HECTD4: variants seen among roughly 807,000 people sequenced by gnomAD.
The protein encoded by HECTD4 is probable E3 ubiquitin-protein ligase HECTD4.
In HECTD4, 114 loss-of-function variants were observed where a neutral mutation model predicts 471.5. The ratio of observed to expected loss-of-function variants is 0.24; its 90% CI spans 0.21 to 0.28. The LOEUF (loss-of-function observed/expected upper bound fraction) is 0.28. Among genes scored for constraint, HECTD4 ranks in the 10% least tolerant of loss-of-function variants. HECTD4 has a pLI of 1.00. For missense variants in HECTD4, 3,866 were observed against 5,651.5 expected, an observed-to-expected ratio of 0.68 and a Z score of 10.13; for synonymous variants, 2,012 against 2,256.0, an observed-to-expected ratio of 0.89 and a Z score of 3.07.
At chr12:112,259,745 T>C (rs2034102933) in intron 18 of HECTD4, among the ~76,000 whole-genome samples, 1 of 152,110 alleles carries the variant, frequency 6.6e-6, no homozygotes, top group Admixed American at 6.6e-5. Context: ...AAATGGATTC[T>C]AAAATGCCAA....
In HECTD4 at chr12:112,219,478, C is replaced by T. The variant is rs778158898; in HGVS notation, c.6982G>A (p.Ala2328Thr). The change falls in exon 45 of 76, where the codon GCA (alanine) becomes ACA (threonine). Residue 2328 changes from alanine (A) to threonine (T), a missense_variant. By Grantham distance (58) the Ala-to-Thr change is moderately conservative. Around this residue, in one of 16 missense-constraint regions of HECTD4, gnomAD observed 617 missense variants for 915.1 expected, o/e 0.67. Transcript: ENST00000682272. ...AQECSAGERL[A>T]VVEVQCERLR... ...CGTTCACACTGTACCTCCACAACTG[C>T]AAGTCGCTCTCCTGTAGAGGGCACA... The T allele has an allele frequency of 1.5e-5, 25 of 1,613,216 alleles. No individual in the cohort carries two copies. Among genetic ancestry groups the T allele is most frequent in the Non-Finnish European group, 2.0e-5 (24 of 1,179,432 alleles).
Position 112,184,530 on chromosome 12 carries a change from G to C in HECTD4, c.10436C>G (p.Pro3479Arg). The change falls in exon 61 of 76, where the codon CCC becomes CGC. Residue 3479 changes from proline (P) to arginine (R), a missense_variant. Physicochemically the swap from Pro to Arg is moderately radical, Grantham distance 103 (BLOSUM62 -2). Transcript: ENST00000682272. This position sits in a 1 kb window ranked among gnomAD's most constrained non-coding sequence, Gnocchi z 9.1. ...MEVSTSSSLT[P>R]AMSISASAST... ...GGCGGAGGCGCTGATGCTCATGGCG[G>C]GGGTCAGGCTGCTGGACGTGCTGAC... 2 of 1,610,816 alleles carry C rather than the reference G, an allele frequency of 1.2e-6. No homozygotes were observed. Among genetic ancestry groups the C allele is most frequent in the Non-Finnish European group, 1.7e-6 (2 of 1,178,982 alleles).
intron 1 of HECTD4, among the ~76,000 whole-genome samples, chr12:112,325,047 TTTA>T (rs2035713413): frequency 6.6e-6 from 1 of 152,176 alleles, no homozygotes; most frequent in South Asian, 2.1e-4. Context: ...GCTATTTATT[TTTA>T]TTATTAAACA....
intron 1 of HECTD4, among the ~76,000 whole-genome samples, chr12:112,327,784 G>A (rs1246126670): frequency 6.6e-6 from 1 of 152,232 alleles, no homozygotes; most frequent in Non-Finnish European, 1.5e-5. Context: ...AGTCCCATCT[G>A]TTGTACTTTG....
chr12:112,249,567 T>A (rs925337069), intron 25 of HECTD4: 4 of 153,798 alleles, frequency 2.6e-5, no homozygotes, highest in Non-Finnish European at 5.8e-5. Flanking sequence ...CATTTTAAAT[T>A]TCATATATTC....
At chr12:112,251,384 C>A (rs2033882893) in intron 23 of HECTD4, among the ~76,000 whole-genome samples, 1 of 152,236 alleles carries the variant, frequency 6.6e-6, no homozygotes, top group South Asian at 2.1e-4. Flanking sequence ...TAGTACAAAT[C>A]AAATAAATAG....
In HECTD4 at chr12:112,174,267, C is replaced by CT. The variant is rs57405754; in HGVS notation, c.11595-1407dup. 0.055 allele frequency among the ~76,000 whole-genome samples: 7,906 copies of CT among 142,702 alleles called. 1,154 individuals are homozygous for CT. In the East Asian group the frequency reaches 0.6, roughly 11 times the overall value. The allele number at this position is 142,702 out of a possible 152,430, so 93.6% of individuals were successfully genotyped here. A position where few individuals can be genotyped will look rare whatever the true frequency, so the allele number is the denominator to read the frequency against. On this transcript the variant is annotated intron_variant, in intron 66 of 75. Transcript: ENST00000682272. ...TACAGGTGTGAGCCACCTCGTCTGA[C>CT]TTTTTTTTTTTTTTAAGACAGAGTG...
chr12:112,217,294 T>TAGGCATACACACACACAC (rs1278569871), intron 45 of HECTD4, 99 bp from the exon 46 acceptor site: 129 of 828,818 alleles, frequency 1.6e-4, no homozygotes, highest in Non-Finnish European at 5.9e-5. Context: ...TATTAAAATA[T>TAGGCATACACACACACAC]AGGCATACAC....
In HECTD4 at chr12:112,239,329, G is replaced by A; in HGVS notation, c.5106-93C>T. On this transcript the variant is annotated intron_variant, in intron 33 of 75. Transcript: ENST00000682272. The surrounding 1 kb of genome is among the most constrained non-coding windows in gnomAD (Gnocchi z 4.9). ...GGTTCAAAGGGGCATAAAACATGCT[G>A]GTGCAGCTCTTTCCCTACAACTTAG... 9.3e-7 allele frequency: 1 copy of A among 1,078,300 alleles called. No homozygotes were observed. The highest frequency in any genetic ancestry group is 1.9e-5 in the South Asian group (1 of 51,918). 66.8% of individuals were successfully genotyped at this position (1,078,300 alleles called of 1,614,324 possible). A position where few individuals can be genotyped will look rare whatever the true frequency, so the allele number is the denominator to read the frequency against.
chr12:112,341,125 A>G (rs1042484765), intron 1 of HECTD4, among the ~76,000 whole-genome samples: 3 of 152,354 alleles, frequency 2.0e-5, no homozygotes. Flanking sequence ...AGAACTTGGC[A>G]CATAATAGAT....
Position 112,193,802 on chromosome 12 carries a change from C to T in HECTD4, c.8750-128G>A, listed in dbSNP as rs1055499581. The T allele has an allele frequency of 1.3e-6, 1 of 786,032 alleles. No individual in the cohort carries two copies. Among genetic ancestry groups the T allele is most frequent in the African/African-American group, 1.7e-5 (1 of 58,290 alleles). 48.7% of individuals were successfully genotyped at this position (786,032 alleles called of 1,614,324 possible). On this transcript the variant is annotated intron_variant, in intron 56 of 75. Transcript: ENST00000682272. This position sits in a 1 kb window ranked among gnomAD's most constrained non-coding sequence, Gnocchi z 5.2. ...GGGAGGGTTATCCTGGATATGATGT[C>T]CTGGATAACAGATGCCGGCAATCAG... is the stretch of plus-strand genomic sequence containing the variant.
At chr12:112,320,792 AT>A (rs2035569829) in intron 1 of HECTD4, among the ~76,000 whole-genome samples, 5 of 152,072 alleles carry the variant, frequency 3.3e-5, no homozygotes, top group Admixed American at 3.3e-4. Context: ...TCAAAACCTA[AT>A]ATATATATGT....
In HECTD4 at chr12:112,258,554, C is replaced by A. The variant is rs766777648; in HGVS notation, c.3070G>T (p.Val1024Leu). ...GGTGCACCACACGGGGAACAGCCCA[C>A]CTCAGCAAAAACCGGACACTGGGTT... The part of the protein sequence containing the change: ...LKTQCPVFAE[V>L]GCSPCGAPDQ... Residue 1024 changes from valine (V) to leucine (L), a missense_variant, in exon 20 of 76, where the codon GTG becomes TTG. Coordinates refer to ENST00000682272, the MANE Select transcript of HECTD4 (RefSeq NM_001388303.1). 3.1e-6 allele frequency: 5 copies of A among 1,605,684 alleles called. No homozygotes were observed. The highest frequency in any genetic ancestry group is 1.3e-5 in the African/African-American group (1 of 74,334).
intron 1 of HECTD4, among the ~76,000 whole-genome samples, chr12:112,339,124 C>T (rs765798464): frequency 7.2e-5 from 11 of 151,884 alleles, no homozygotes; most frequent in African/African-American, 2.7e-4. Context: ...CCACATGACA[C>T]GAACAAGAAT....
At chr12:112,278,099 C>T (rs773320524) in intron 9 of HECTD4, among the ~76,000 whole-genome samples, 1 of 152,056 alleles carries the variant, frequency 6.6e-6, no homozygotes, top group East Asian at 1.9e-4. Flanking sequence ...AACGAAAAAG[C>T]AGTCATAAAA....
chr12:112,229,587 GT>G (rs2033323179), intron 41 of HECTD4, 110 bp downstream of exon 41: 9 of 1,124,728 alleles, frequency 8.0e-6, no homozygotes, highest in Non-Finnish European at 1.0e-5. Flanking sequence ...GAAGAAACAG[GT>G]TTTTTTGTAC....
chr12:112,279,350 C>T lies in HECTD4; in HGVS notation c.1565G>A (p.Arg522Gln), dbSNP rs1452761082. The T allele has an allele frequency of 1.1e-5, 17 of 1,605,788 alleles. No individual in the cohort carries two copies. Among genetic ancestry groups the T allele is most frequent in the East Asian group, 2.2e-5 (1 of 44,572 alleles). ...GCCACAGGTATATATGGGTGTCTTC[C>T]GCAGCATTTTTAGAGGCAGCCCACA... ...TSCGLPLKML[R>Q]KTPIYTCGTY... is the part of the protein sequence containing the mutation. Residue 522 changes from arginine (R) to glutamine (Q), a missense_variant, in exon 9 of 76, where the codon CGG becomes CAG. Physicochemically the swap from Arg to Gln is conservative, Grantham distance 43. Coordinates refer to ENST00000682272, the MANE Select transcript of HECTD4 (RefSeq NM_001388303.1).
intron 7 of HECTD4, among the ~76,000 whole-genome samples, chr12:112,294,358 T>C (rs528303379): frequency 7.2e-5 from 11 of 152,230 alleles, no homozygotes; most frequent in Non-Finnish European, 1.5e-4. Flanking sequence ...GCTAGAACTC[T>C]ATGAATCATT....
intron 52 of HECTD4, among the ~76,000 whole-genome samples, chr12:112,206,279 G>A (rs1036523948): frequency 3.3e-5 from 5 of 152,012 alleles, no homozygotes; most frequent in Non-Finnish European, 5.9e-5. Flanking sequence ...AAGACTGTTT[G>A]AAGCCAGGAG....
Sources: gnomAD v4.1 joint callset for allele counts (sites outside exome capture counted in the v4.1 genomes callset) on GRCh38, gnomAD v4.1.1 for gene constraint, gnomAD v4.1.1 regional missense constraint, Gnocchi (gnomAD v3.1) non-coding constraint, MANE v1.5 for transcripts, NCBI Gene and HGNC (gene_info 2026-07-23, HGNC 2026-07-21) for gene names.